The following JAK1 variants were observed in gnomAD, a reference collection of about 807,000 sequenced individuals.
JAK1 encodes tyrosine-protein kinase JAK1.
A neutral mutation model predicts 136.6 loss-of-function variants in JAK1; 16 were observed. That is an observed-to-expected ratio of 0.12 (90% CI 0.08 to 0.18). JAK1 has a LOEUF of 0.18. Ranked by LOEUF, JAK1 falls within the 10% of genes least tolerant of loss-of-function variation. The pLI, the probability that JAK1 is intolerant of heterozygous loss-of-function variation, is 1.00. For synonymous variants in JAK1, 492 were observed against 519.5 expected (o/e 0.95, Z 0.72); for missense variants, 859 against 1,450.1 (o/e 0.59, Z 6.62).
At position 64,947,035 on chromosome 1, in the gene JAK1, T is replaced by C. The variant is rs936145223; in HGVS notation, c.-78+19298A>G. Among the ~76,000 whole-genome samples the C allele has an allele frequency of 3.3e-5, 5 of 152,262 alleles. No homozygotes were observed. The South Asian group carries it at 1.0e-3, about 32-fold the overall frequency. On this transcript the variant is annotated intron_variant, in intron 1 of 24. Coordinates refer to ENST00000342505, the MANE Select transcript of JAK1 (RefSeq NM_002227.4). ...AAATCCATAGATAGAAAAAGTAGAATGGTAGTTGGCAGGAGCTAGCAGGAA... is the reference window on the plus strand; with the variant it reads ...AAATCCATAGATAGAAAAAGTAGAACGGTAGTTGGCAGGAGCTAGCAGGAA...
chr1:64,877,956 T>C (rs888922714), intron 4 of JAK1, among the ~76,000 whole-genome samples: 3 of 152,194 alleles, frequency 2.0e-5, no homozygotes, highest in African/African-American at 2.4e-5. Context: ...CTAGGATGAT[T>C]ATCAAAGAAA....
rs60862617 is a variant in JAK1, at chr1:64,977,454, C to CTTT, written c.-78+67023_-78+67025dup. The stretch of plus-strand genomic sequence containing the variant: ...GGCATGAGCCACTGCACCCAGCCAT[C>CTTT]TTTTTTTTTTTTTTTAGATGGAGTC... On this transcript the variant is annotated intron_variant, in intron 2 of 25. Transcript: ENST00000671954. 9.4e-3 allele frequency among the ~76,000 whole-genome samples: 1,333 copies of CTTT among 141,470 alleles called. 30 individuals carry two copies. Among genetic ancestry groups the CTTT allele is most frequent in the African/African-American group, 0.033 (1,265 of 38,622 alleles). 92.8% of individuals were successfully genotyped at this position (141,470 alleles called of 152,430 possible). A position where few individuals can be genotyped will look rare whatever the true frequency, so the allele number is the denominator to read the frequency against.
At chr1:65,049,559 G>A (rs888747702) in intron 1 of JAK1, among the ~76,000 whole-genome samples, 3 of 152,182 alleles carry the variant, frequency 2.0e-5, no homozygotes, top group African/African-American at 7.2e-5. Flanking sequence ...TTTCTGACTG[G>A]CCACGGGTCC....
intron 2 of JAK1, among the ~76,000 whole-genome samples, chr1:65,027,891 C>A (rs1439555186): frequency 6.6e-6 from 1 of 152,218 alleles, no homozygotes. Context: ...TGTCAGCGTT[C>A]TGCATTCCTT....
chr1:64,861,075 C>A (rs1205839474), intron 8 of JAK1, among the ~76,000 whole-genome samples: 1 of 151,876 alleles, frequency 6.6e-6, no homozygotes, highest in East Asian at 1.9e-4. Flanking sequence ...AAGCCTGAAT[C>A]AAGGTGGCAG....
chr1:64,973,137 GAGAAAGAAAGAA>G (rs370683683), intron 2 of JAK1: 14 of 114,324 alleles, frequency 1.2e-4, no homozygotes, highest in African/African-American at 4.3e-4. Context: ...GAAAGAAAAA[GAGAAAGAAAGAA>G]AGAAAGGAAG....
chr1:64,887,253 G>A (rs570256493), intron 1 of JAK1, among the ~76,000 whole-genome samples: 10 of 152,296 alleles, frequency 6.6e-5, no homozygotes, highest in Non-Finnish European at 5.9e-5. Flanking sequence ...AGCCCGGCAG[G>A]GGAGACAAGT....
intron 2 of JAK1, among the ~76,000 whole-genome samples, chr1:65,000,443 C>T (rs1035417329): frequency 6.6e-6 from 1 of 151,282 alleles, no homozygotes; most frequent in Non-Finnish European, 1.5e-5. Flanking sequence ...GTCAAGGCTG[C>T]AGTGAGCCAT....
intron 2 of JAK1, among the ~76,000 whole-genome samples, chr1:65,012,235 ATCTGAGG>A (rs772731124): frequency 3.9e-5 from 6 of 152,182 alleles, no homozygotes; most frequent in South Asian, 4.1e-4. Flanking sequence ...GGCCTGAGTC[ATCTGAGG>A]TCTGAGGTCT....
chr1:64,887,540 T>C (rs967301550), intron 1 of JAK1, among the ~76,000 whole-genome samples: 1 of 152,170 alleles, frequency 6.6e-6, no homozygotes, highest in African/African-American at 2.4e-5. Flanking sequence ...ACTAAGCTAA[T>C]TCAAAGGACA....
At chr1:64,891,104 C>CTGAT (rs2101356857) in intron 1 of JAK1, among the ~76,000 whole-genome samples, 2 of 152,014 alleles carry the variant, frequency 1.3e-5, no homozygotes, top group South Asian at 4.1e-4. Context: ...ATTTGTTAAA[C>CTGAT]TGATTACAGC....
At chr1:64,835,951 A>T (rs1654455312) in intron 23 of JAK1, 147 bp downstream of exon 23, 2 of 634,850 alleles carry the variant, frequency 3.2e-6, no homozygotes, top group South Asian at 2.0e-5. Flanking sequence ...ATAACTGTCA[A>T]GTAGCAAACC....
At chr1:64,845,931 G>A (rs1383457646) in intron 14 of JAK1, among the ~76,000 whole-genome samples, 1 of 152,170 alleles carries the variant, frequency 6.6e-6, no homozygotes, top group African/African-American at 2.4e-5. Flanking sequence ...CTTGGCGGAG[G>A]GCCTGACACA....
intron 22 of JAK1, 62 bp downstream of exon 22, chr1:64,837,870 C>A: frequency 7.3e-6 from 10 of 1,367,048 alleles, no homozygotes; most frequent in Non-Finnish European, 1.0e-5. Context: ...CCAGAAAGGG[C>A]CTATTAAAAC....
chr1:64,836,589 G>A (rs1467723387), intron 22 of JAK1, among the ~76,000 whole-genome samples: 2 of 152,080 alleles, frequency 1.3e-5, no homozygotes, highest in Non-Finnish European at 2.9e-5. Context: ...ATGTGGCATC[G>A]CTGTCCAATC....
chr1:65,044,034 T>G (rs1257151327), intron 2 of JAK1, among the ~76,000 whole-genome samples: 1 of 152,050 alleles, frequency 6.6e-6, no homozygotes, highest in Non-Finnish European at 1.5e-5. Flanking sequence ...ATTTTTGTAT[T>G]TTTTAAGAGA....
chr1:64,897,135 A>T (rs1268829584), intron 1 of JAK1, among the ~76,000 whole-genome samples: 2 of 152,006 alleles, frequency 1.3e-5, no homozygotes, highest in African/African-American at 4.8e-5. Flanking sequence ...AAATAGCAAA[A>T]GAAGGAAAGT....
rs1440600896 is a variant in JAK1 at position 64,844,735 on chromosome 1, G to C, written c.2251+19C>G. On this transcript the variant is annotated intron_variant, in intron 16 of 24. Transcript: ENST00000342505. The surrounding 1 kb of genome is among the most constrained non-coding windows in gnomAD (Gnocchi z 5.7). ...CCCTGACTCGGGGTGGGGCCAGAGGGAAGAGAGGGGAGACACACCTTGCCT... is the reference window on the plus strand; with the variant it reads ...CCCTGACTCGGGGTGGGGCCAGAGGCAAGAGAGGGGAGACACACCTTGCCT... 1 of 1,613,914 alleles carries C rather than the reference G, an allele frequency of 6.2e-7. No homozygotes were observed. The highest frequency in any genetic ancestry group is 1.3e-5 in the African/African-American group (1 of 75,044).
In JAK1 at chr1:64,884,057, T is replaced by C. The variant is rs550980128; in HGVS notation, c.7-582A>G. ...GACCAATTCATGTTCATAAGTCACA[T>C]GGAAGGGCCATAACAATTAATGAAT... On this transcript the variant is annotated intron_variant, in intron 2 of 24. Coordinates refer to ENST00000342505, the MANE Select transcript of JAK1 (RefSeq NM_002227.4). 9.2e-5 allele frequency among the ~76,000 whole-genome samples: 14 copies of C among 152,212 alleles called. No homozygotes were observed. In the South Asian group the frequency reaches 2.7e-3, roughly 29 times the overall value.
Sources: gnomAD v4.1 joint callset for allele counts (sites outside exome capture counted in the v4.1 genomes callset) on GRCh38, gnomAD v4.1.1 for gene constraint, Gnocchi (gnomAD v3.1) non-coding constraint, MANE v1.5 for transcripts, NCBI Gene and HGNC (gene_info 2026-07-23, HGNC 2026-07-21) for gene names.